The following CNTN5 variants were observed in gnomAD, a reference collection of about 807,000 sequenced individuals.
The protein encoded by CNTN5 is contactin 5, also known as contactin-5.
In CNTN5, 77 loss-of-function variants were observed where a neutral mutation model predicts 129.1. The observed-to-expected ratio is 0.60, with a 90% confidence interval of 0.50 to 0.72. The LOEUF (loss-of-function observed/expected upper bound fraction) is 0.72. Ranked by LOEUF, CNTN5 falls within the 30% of genes least tolerant of loss-of-function variation. The probability of loss-of-function intolerance (pLI) is 0.00; values close to 1 mark genes in which losing one functional copy is unlikely to be tolerated. For missense variants in CNTN5, 1,478 were observed against 1,328.8 expected (o/e 1.11, Z -1.75); for synonymous variants, 509 against 465.6 (o/e 1.09, Z -1.20).
intron 3 of CNTN5, among the ~76,000 whole-genome samples, chr11:99,622,141 T>C (rs1419204233): frequency 6.6e-6 from 1 of 152,184 alleles, no homozygotes; most frequent in Non-Finnish European, 1.5e-5. Flanking sequence ...GAAAATCCTT[T>C]TTCATTTACA....
intron 2 of CNTN5, among the ~76,000 whole-genome samples, chr11:99,446,468 T>C (rs1944076528): frequency 1.3e-5 from 2 of 152,200 alleles, no homozygotes; most frequent in South Asian, 4.1e-4. Flanking sequence ...ATTATGACTT[T>C]TACCTGCAAA....
At chr11:99,734,329 T>C (rs917570386) in intron 3 of CNTN5, among the ~76,000 whole-genome samples, 10 of 152,200 alleles carry the variant, frequency 6.6e-5, no homozygotes, top group Non-Finnish European at 1.3e-4. Context: ...CTAGATCTTA[T>C]TCATTCTATC....
chr11:99,660,173 C>T (rs965576561), intron 3 of CNTN5, among the ~76,000 whole-genome samples: 2 of 151,936 alleles, frequency 1.3e-5, no homozygotes, highest in African/African-American at 4.8e-5. Context: ...TCTAGGTGAC[C>T]TTGTGTTACT....
intron 1 of CNTN5, among the ~76,000 whole-genome samples, chr11:99,109,568 C>A (rs1857687887): frequency 6.6e-6 from 1 of 152,092 alleles, no homozygotes; most frequent in Non-Finnish European, 1.5e-5. Context: ...TTCCATCACT[C>A]TTGTTTTTTA....
chr11:99,257,415 T>G (rs937048193), intron 1 of CNTN5, among the ~76,000 whole-genome samples: 24 of 152,064 alleles, frequency 1.6e-4, no homozygotes, highest in Non-Finnish European at 3.5e-4. Flanking sequence ...TACTAGTTTG[T>G]CAAACTATCC....
At chr11:99,503,267 C>G (rs1293395967) in intron 2 of CNTN5, among the ~76,000 whole-genome samples, 1 of 152,180 alleles carries the variant, frequency 6.6e-6, no homozygotes, top group Non-Finnish European at 1.5e-5. Context: ...TGTGAGACAA[C>G]CCCTCTTTAA....
intron 6 of CNTN5, among the ~76,000 whole-genome samples, chr11:99,849,546 T>C (rs1442035429): frequency 6.6e-6 from 1 of 152,252 alleles, no homozygotes; most frequent in East Asian, 1.9e-4. Context: ...TGTAATGTCA[T>C]AGAGACTAAA....
chr11:99,809,405 T>C (rs979055852), intron 3 of CNTN5, among the ~76,000 whole-genome samples: 1 of 152,324 alleles, frequency 6.6e-6, no homozygotes, highest in South Asian at 2.1e-4. Flanking sequence ...TATTATACTT[T>C]TTAAAAATTT....
At chr11:99,264,029 C>T (rs1018771150) in intron 1 of CNTN5, among the ~76,000 whole-genome samples, 12 of 151,784 alleles carry the variant, frequency 7.9e-5, no homozygotes, top group Admixed American at 4.6e-4. Flanking sequence ...TTTACATAGA[C>T]CCTTGCGATT....
intron 1 of CNTN5, among the ~76,000 whole-genome samples, chr11:99,228,254 G>C (rs1860796114): frequency 6.6e-6 from 1 of 152,062 alleles, no homozygotes; most frequent in Admixed American, 6.6e-5. Flanking sequence ...TCCAAAAGTT[G>C]ATTTATGCAG....
intron 6 of CNTN5, among the ~76,000 whole-genome samples, chr11:99,903,735 A>C (rs920465713): frequency 2.0e-4 from 30 of 152,154 alleles, no homozygotes; most frequent in Non-Finnish European, 3.4e-4. Flanking sequence ...CTCTAAATAT[A>C]ATTTTTTTAG....
In CNTN5 at chr11:99,425,266, G is replaced by A. The variant is rs375141421; in HGVS notation, c.-71+99782G>A. Among the ~76,000 whole-genome samples the A allele has an allele frequency of 1.2e-4, 18 of 152,300 alleles. No homozygotes were observed. In the East Asian group the frequency reaches 2.1e-3, roughly 18 times the overall value. On this transcript the variant is annotated intron_variant, in intron 2 of 24. Coordinates refer to ENST00000524871, the MANE Select transcript of CNTN5 (RefSeq NM_014361.4). ...AATGAAGTCCTCACTCCAGGCCAGG[G>A]ACTTCACCCAGAACTGGCAGCCCGG...
chr11:100,098,060 A>G (rs1343582074), intron 13 of CNTN5, among the ~76,000 whole-genome samples: 1 of 152,072 alleles, frequency 6.6e-6, no homozygotes, highest in Non-Finnish European at 1.5e-5. Context: ...GCTAAAAGTC[A>G]TCATCTATAC....
intron 2 of CNTN5, among the ~76,000 whole-genome samples, chr11:99,451,903 T>G (rs1233863765): frequency 6.6e-6 from 1 of 152,166 alleles, no homozygotes; most frequent in Non-Finnish European, 1.5e-5. Flanking sequence ...GAAAGAGTAA[T>G]TCAATAAATG....
chr11:100,259,387 C>A (rs1266967034), intron 17 of CNTN5, among the ~76,000 whole-genome samples: 1 of 151,956 alleles, frequency 6.6e-6, no homozygotes, highest in Non-Finnish European at 1.5e-5. Context: ...GACAAAGGAA[C>A]AAGACAGAGA....
chr11:99,753,201 C>A (rs1419136784), intron 3 of CNTN5, among the ~76,000 whole-genome samples: 2 of 142,922 alleles, frequency 1.4e-5, no homozygotes, highest in African/African-American at 5.2e-5. Context: ...CGACTCACTG[C>A]AAGCGCTGCC....
intron 1 of CNTN5, among the ~76,000 whole-genome samples, chr11:99,251,970 A>G (rs1392405969): frequency 6.6e-6 from 1 of 151,982 alleles, no homozygotes; most frequent in Non-Finnish European, 1.5e-5. Context: ...AAACTTCTAT[A>G]TGTAACTTTG....
intron 13 of CNTN5, among the ~76,000 whole-genome samples, chr11:100,098,198 G>A (rs1049611733): frequency 6.6e-6 from 1 of 151,906 alleles, no homozygotes; most frequent in Non-Finnish European, 1.5e-5. Flanking sequence ...ATGAATTATA[G>A]CTATGTATAA....
chr11:100,035,237 G>T (rs946319663), intron 9 of CNTN5, among the ~76,000 whole-genome samples: 2 of 151,478 alleles, frequency 1.3e-5, no homozygotes, highest in Admixed American at 1.3e-4. Context: ...TTTTGTCCTT[G>T]TGATAGTTTA....
Sources: gnomAD v4.1 joint callset for allele counts (sites outside exome capture counted in the v4.1 genomes callset) on GRCh38, gnomAD v4.1.1 for gene constraint, MANE v1.5 for transcripts, NCBI Gene and HGNC (gene_info 2026-07-23, HGNC 2026-07-21) for gene names.